The following CRX variants were observed in gnomAD, a reference collection of about 807,000 sequenced individuals.
CRX encodes cone-rod homeobox.
Under a neutral mutation model 13.1 loss-of-function variants are expected in CRX, and 5 were observed. That is an observed-to-expected ratio of 0.38 (90% CI 0.20 to 0.80). The LOEUF is 0.80. CRX is among the 30% of genes least tolerant of loss of function. The pLI is 0.43. For missense variants in CRX, 351 were observed against 391.8 expected (o/e 0.90, Z 0.88); for synonymous variants, 179 against 171.1 (o/e 1.05, Z -0.36).
At chr19:47,829,809 T>TTC (rs1188739761) in intron 1 of CRX, among the ~76,000 whole-genome samples, 1 of 150,214 alleles carries the variant, frequency 6.7e-6, no homozygotes, top group African/African-American at 2.4e-5. Flanking sequence ...TTTGTATTTT[T>TTC]TTTTTTGTGG....
chr19:47,839,251 C>G lies in CRX; in HGVS notation c.253-69C>G. On this transcript the variant is annotated intron_variant, in intron 3 of 3. Transcript: ENST00000221996. This position sits in a 1 kb window ranked among gnomAD's most constrained non-coding sequence, Gnocchi z 4.6. ...TCTCACCAATAAGTGTCCTCATCCC[C>G]GGGCACCCTGCGGCTCTCCTGGGCC... The G allele has an allele frequency of 1.3e-6, 2 of 1,534,242 alleles. No homozygotes were observed. The highest frequency in any genetic ancestry group is 1.8e-6 in the Non-Finnish European group (2 of 1,131,882).
intron 2 of CRX, among the ~76,000 whole-genome samples, chr19:47,835,826 T>C (rs1282218740): frequency 6.6e-6 from 1 of 151,734 alleles, no homozygotes; most frequent in Non-Finnish European, 1.5e-5. Context: ...GTTCCCCATG[T>C]TGGCCAGGAT....
At position 47,827,642 on chromosome 19, in the gene CRX, G is replaced by A. The variant is rs549187640; in HGVS notation, c.-36+5632G>A. 1.9e-4 allele frequency among the ~76,000 whole-genome samples: 27 copies of A among 143,840 alleles called. No individual in the cohort carries two copies. The South Asian group carries it at 3.8e-3, about 20-fold the overall frequency. 94.4% of individuals were successfully genotyped at this position (143,840 alleles called of 152,430 possible). On this transcript the variant is annotated intron_variant, in intron 1 of 3. Transcript: ENST00000221996. ...CAACCTCCGCCTCCCGGGTTCAAGC[G>A]ATTCTCAAGTAGTTGGGATTACAGG...
At position 47,843,268 on chromosome 19, in the gene CRX, T is replaced by C. The variant is rs11670620; in HGVS notation, c.*3301T>C. On this transcript the variant is annotated 3_prime_UTR_variant, in exon 4 of 4. Coordinates refer to ENST00000221996, the MANE Select transcript of CRX (RefSeq NM_000554.6). The stretch of plus-strand genomic sequence containing the variant: ...CTCCTCTTCCCCACACACTGGCCTC[T>C]GGGTCCCCCTTCTCTGTCCACCCAC... 45,903 of 152,162 alleles carry C rather than the reference T, an allele frequency of 0.3. 7,939 individuals are homozygous for C. The highest frequency in any genetic ancestry group is 0.4 in the Non-Finnish European group (27,140 of 67,992). The allele number at this position is 152,162 out of a possible 1,614,324, so 9.4% of individuals were successfully genotyped here. A position where few individuals can be genotyped will look rare whatever the true frequency, so the allele number is the denominator to read the frequency against.
In CRX at chr19:47,840,194, T is replaced by G. The variant is rs894858535; in HGVS notation, c.*227T>G. 2.2e-4 allele frequency: 123 copies of G among 558,144 alleles called. No homozygotes were observed. Among genetic ancestry groups the G allele is most frequent in the Non-Finnish European group, 3.4e-4 (105 of 311,220 alleles). 34.6% of individuals were successfully genotyped at this position (558,144 alleles called of 1,614,324 possible). ...CAGGTCCTAGTGATTCTCTCAACCC[T>G]AACACCGTCTGGCACGATTGTGACC... On this transcript the variant is annotated 3_prime_UTR_variant, in exon 4 of 4. Transcript: ENST00000221996.
chr19:47,837,587 T>A (rs1719493057), intron 3 of CRX, among the ~76,000 whole-genome samples: 1 of 152,208 alleles, frequency 6.6e-6, no homozygotes, highest in East Asian at 1.9e-4. Flanking sequence ...TGTATATGTA[T>A]GCATGATGTA....
At chr19:47,825,295 C>G (rs991501065) in intron 1 of CRX, among the ~76,000 whole-genome samples, 9 of 152,064 alleles carry the variant, frequency 5.9e-5, no homozygotes, top group East Asian at 3.9e-4. Flanking sequence ...GGATCTTGCT[C>G]TGTTGCCCAG....
rs528637539 is a variant in CRX, at chr19:47,841,400, C to G, written c.*1433C>G. On this transcript the variant is annotated 3_prime_UTR_variant, in exon 4 of 4. Coordinates refer to ENST00000221996, the MANE Select transcript of CRX (RefSeq NM_000554.6). The stretch of plus-strand genomic sequence containing the variant: ...TTTAGGATTTTCTAAAGGTGAGACA[C>G]TGGTGGAACTGGGGTAGCTGCTTGG... 6.6e-6 allele frequency: 1 copy of G among 152,190 alleles called. No individual in the cohort carries two copies. The highest frequency in any genetic ancestry group is 1.5e-5 in the Non-Finnish European group (1 of 68,018). The allele number at this position is 152,190 out of a possible 1,614,324, so 9.4% of individuals were successfully genotyped here. A position where few individuals can be genotyped will look rare whatever the true frequency, so the allele number is the denominator to read the frequency against.
At chr19:47,837,419 G>A (rs1222441334) in intron 3 of CRX, among the ~76,000 whole-genome samples, 1 of 152,058 alleles carries the variant, frequency 6.6e-6, no homozygotes, top group Non-Finnish European at 1.5e-5. Context: ...CTACTGCCTC[G>A]GCCTTCCAGA....
rs560981041 is a variant in CRX, at chr19:47,839,523, C to G, written c.456C>G (p.Ser152=). ...YSPPLPGPSG[S]PTTAVATVSI... is the part of the protein sequence containing the mutation. ...CCCCTCTGCCCGGCCCCTCAGGCTC[C>G]CCAACCACGGCAGTGGCCACTGTGT... The change falls in exon 4 of 4, where the codon TCC becomes TCG. Residue 152 remains serine (S), a synonymous_variant. Transcript: ENST00000221996. This position sits in a 1 kb window ranked among gnomAD's most constrained non-coding sequence, Gnocchi z 4.6. 30 of 1,613,762 alleles carry G rather than the reference C, an allele frequency of 1.9e-5. No homozygotes were observed. The South Asian group carries it at 3.3e-4, about 18-fold the overall frequency.
rs994863752 is a variant in CRX at position 47,841,052 on chromosome 19, T to C, written c.*1085T>C. Reference sequence around the variant, plus strand: ...CTTCTTTAGCATATGGTTAGGGACCTTTCTAGAAATTCCAAAGACAGACTT... The same window carrying C: ...CTTCTTTAGCATATGGTTAGGGACCCTTCTAGAAATTCCAAAGACAGACTT... On this transcript the variant is annotated 3_prime_UTR_variant, in exon 4 of 4. Coordinates refer to ENST00000221996, the MANE Select transcript of CRX (RefSeq NM_000554.6). 13 of 152,112 alleles carry C rather than the reference T, an allele frequency of 8.5e-5. No individual in the cohort carries two copies. Among genetic ancestry groups the C allele is most frequent in the Non-Finnish European group, 1.6e-4 (11 of 68,034 alleles). 9.4% of individuals were successfully genotyped at this position (152,112 alleles called of 1,614,324 possible).
At chr19:47,831,836 G>A (rs1027120523) in intron 1 of CRX, among the ~76,000 whole-genome samples, 5 of 151,936 alleles carry the variant, frequency 3.3e-5, no homozygotes, top group African/African-American at 4.8e-5. Flanking sequence ...TCTGCCTCCC[G>A]GGCTCAAGCG....
chr19:47,834,298 C>T (rs1968089627), intron 1 of CRX, 111 bp from the exon 2 acceptor site: 1 of 714,958 alleles, frequency 1.4e-6, no homozygotes, highest in Non-Finnish European at 2.6e-6. Flanking sequence ...GATAAATGGC[C>T]AAGGTCACAT....
chr19:47,830,655 G>T (rs1303209111), intron 1 of CRX, among the ~76,000 whole-genome samples: 3 of 152,118 alleles, frequency 2.0e-5, no homozygotes, highest in South Asian at 4.1e-4. Context: ...AATTAGCTGG[G>T]TGTGGTGGCT....
At chr19:47,837,367 A>G (rs1378282789) in intron 3 of CRX, among the ~76,000 whole-genome samples, 1 of 152,002 alleles carries the variant, frequency 6.6e-6, no homozygotes, top group Non-Finnish European at 1.5e-5. Context: ...GGGTTTCACC[A>G]TGTTGGCCAG....
Position 47,840,978 on chromosome 19 carries a change from T to A in CRX, c.*1011T>A, listed in dbSNP as rs1252512851. 1.3e-5 allele frequency: 2 copies of A among 152,308 alleles called. No homozygotes were observed. The highest frequency in any genetic ancestry group is 2.9e-5 in the Non-Finnish European group (2 of 68,202). 9.4% of individuals were successfully genotyped at this position (152,308 alleles called of 1,614,324 possible). A position where few individuals can be genotyped will look rare whatever the true frequency, so the allele number is the denominator to read the frequency against. On this transcript the variant is annotated 3_prime_UTR_variant, in exon 4 of 4. Coordinates refer to ENST00000221996, the MANE Select transcript of CRX (RefSeq NM_000554.6). ...ATCCGCCTGCCTCGGCCTCCCAAAGTGCTGGGATTACAGGCATGAGCCATT... is the reference window on the plus strand; with the variant it reads ...ATCCGCCTGCCTCGGCCTCCCAAAGAGCTGGGATTACAGGCATGAGCCATT...
rs1456584568 is a variant in CRX, at chr19:47,840,709, T to TTTC, written c.*744_*745insCTT. On this transcript the variant is annotated 3_prime_UTR_variant, in exon 4 of 4. Coordinates refer to ENST00000221996, the MANE Select transcript of CRX (RefSeq NM_000554.6). Reference sequence around the variant, plus strand: ...TGAGCCACCGCGCCCGGCCCTTTTTTTTTTTTTTTTTTTTAATTGAGACGG... The same window carrying TTTC: ...TGAGCCACCGCGCCCGGCCCTTTTTTTTCTTTTTTTTTTTTTTAATTGAGACGG... The TTTC allele has an allele frequency of 7.0e-6, 1 of 143,436 alleles. No homozygotes were observed. Among genetic ancestry groups the TTTC allele is most frequent in the Non-Finnish European group, 1.5e-5 (1 of 65,580 alleles). The allele number at this position is 143,436 out of a possible 1,614,324, so 8.9% of individuals were successfully genotyped here. A position where few individuals can be genotyped will look rare whatever the true frequency, so the allele number is the denominator to read the frequency against.
intron 2 of CRX, 88 bp from the exon 3 acceptor site, chr19:47,836,155 A>G: frequency 1.2e-5 from 19 of 1,523,284 alleles, no homozygotes; most frequent in Non-Finnish European, 1.5e-5. Flanking sequence ...GGCAACCAGG[A>G]TGGAATTCTT....
intron 1 of CRX, among the ~76,000 whole-genome samples, chr19:47,832,686 A>G (rs1416027601): frequency 6.6e-6 from 1 of 151,712 alleles, no homozygotes; most frequent in Admixed American, 6.6e-5. Flanking sequence ...GGGTTTCACC[A>G]TGTTGACCAG....
Sources: gnomAD v4.1 joint callset for allele counts (sites outside exome capture counted in the v4.1 genomes callset) on GRCh38, gnomAD v4.1.1 for gene constraint, Gnocchi (gnomAD v3.1) non-coding constraint, MANE v1.5 for transcripts, NCBI Gene and HGNC (gene_info 2026-07-23, HGNC 2026-07-21) for gene names.